Variants in FHIT observed in about 807,000 individuals in gnomAD.
FHIT encodes the protein fragile histidine triad diadenosine triphosphatase.
Under a neutral mutation model 17.9 loss-of-function variants are expected in FHIT, and 19 were observed. That is an observed-to-expected ratio of 1.06 (90% CI 0.74 to 1.56). FHIT has a LOEUF of 1.56. Among genes scored for constraint, FHIT ranks in the 40% most tolerant of loss-of-function variants. The pLI is 0.00. For missense variants in FHIT, 248 were observed against 189.2 expected (o/e 1.31, Z -1.82); for synonymous variants, 81 against 69.7 (o/e 1.16, Z -0.81).
chr3:59,857,705 G>GTTTTTTTT (rs78150569), intron 8 of FHIT, among the ~76,000 whole-genome samples: 33,619 of 113,594 alleles, frequency 0.3, 5,304 homozygotes, highest in East Asian at 0.47. Context: ...AAAGTGCTGG[G>GTTTTTTTT]TTTTTTTTTT....
intron 5 of FHIT, among the ~76,000 whole-genome samples, chr3:60,120,697 A>T (rs1381271226): frequency 6.6e-6 from 1 of 152,162 alleles, no homozygotes; most frequent in African/African-American, 2.4e-5. Context: ...ATCTTCAGCA[A>T]TAGGCAAGTT....
At chr3:60,027,125 AC>A (rs1700774504) in intron 5 of FHIT, among the ~76,000 whole-genome samples, 1 of 130,846 alleles carries the variant, frequency 7.6e-6, no homozygotes, top group Non-Finnish European at 1.6e-5. Flanking sequence ...ACACACACAC[AC>A]ACACACACAC....
chr3:59,883,132 G>C (rs923902166), intron 8 of FHIT, among the ~76,000 whole-genome samples: 5 of 151,848 alleles, frequency 3.3e-5, no homozygotes, highest in African/African-American at 9.7e-5. Context: ...TTTGTAAGCT[G>C]GTAGCTTAAA....
chr3:60,040,336 G>A (rs1296943817), intron 5 of FHIT, among the ~76,000 whole-genome samples: 1 of 151,900 alleles, frequency 6.6e-6, no homozygotes, highest in African/African-American at 2.4e-5. Context: ...AGTAGAGACG[G>A]GGTTTCACCA....
intron 5 of FHIT, among the ~76,000 whole-genome samples, chr3:60,532,132 G>A (rs543047131): frequency 7.2e-4 from 110 of 152,226 alleles, no homozygotes; most frequent in African/African-American, 2.4e-3. Context: ...AACTGTTGAC[G>A]TATGATTTGT....
chr3:60,508,180 G>C (rs1466628004), intron 5 of FHIT, among the ~76,000 whole-genome samples: 2 of 152,154 alleles, frequency 1.3e-5, no homozygotes, highest in African/African-American at 4.8e-5. Flanking sequence ...ACTGGCATTA[G>C]AAATTAGAGA....
intron 2 of FHIT, among the ~76,000 whole-genome samples, chr3:61,055,684 G>A (rs1425841968): frequency 6.6e-6 from 1 of 152,136 alleles, no homozygotes; most frequent in Non-Finnish European, 1.5e-5. Context: ...TGTCCTCAAG[G>A]AGCTCAGGAT....
intron 4 of FHIT, among the ~76,000 whole-genome samples, chr3:60,598,364 A>G (rs1246819621): frequency 6.6e-6 from 1 of 152,138 alleles, no homozygotes; most frequent in Non-Finnish European, 1.5e-5. Context: ...AACTTACCAT[A>G]TTTTGGTTAA....
chr3:60,401,506 A>G (rs754226686), intron 5 of FHIT, among the ~76,000 whole-genome samples: 98 of 151,866 alleles, frequency 6.5e-4, no homozygotes, highest in Middle Eastern at 3.4e-3. Context: ...CACCCCCACA[A>G]CTCCCATTGT....
intron 5 of FHIT, among the ~76,000 whole-genome samples, chr3:60,238,772 T>C (rs1488935803): frequency 1.3e-5 from 2 of 152,104 alleles, no homozygotes; most frequent in Non-Finnish European, 2.9e-5. Context: ...TTCCCCTTCA[T>C]GCCAACCCTG....
At chr3:60,154,240 A>T (rs1490318100) in intron 5 of FHIT, among the ~76,000 whole-genome samples, 1 of 152,012 alleles carries the variant, frequency 6.6e-6, no homozygotes, top group African/African-American at 2.4e-5. Flanking sequence ...AAAAATTACA[A>T]CCTCCGGCAT....
chr3:60,845,348 C>A (rs996546839), intron 3 of FHIT, among the ~76,000 whole-genome samples: 3 of 151,136 alleles, frequency 2.0e-5, no homozygotes, highest in South Asian at 2.1e-4. Flanking sequence ...AAAAAAAAAA[C>A]CAAAAAACTA....
In FHIT at chr3:61,083,465, C is replaced by T. The variant is rs2035209465; in HGVS notation, c.-163-41366G>A. On this transcript the variant is annotated intron_variant, in intron 2 of 9. Transcript: ENST00000492590. ...ATTAGCCGGGCGAAGTGGCGGGCGC[C>T]TGTAGTCCCAGCTACTCGGGAGGCT... 2.0e-5 allele frequency among the ~76,000 whole-genome samples: 3 copies of T among 152,174 alleles called. No homozygotes were observed. In the South Asian group the frequency reaches 6.2e-4, roughly 31 times the overall value.
intron 7 of FHIT, among the ~76,000 whole-genome samples, chr3:59,957,539 C>G (rs573505030): frequency 2.0e-5 from 3 of 152,290 alleles, no homozygotes; most frequent in African/African-American, 7.2e-5. Context: ...ATGTGTCAAC[C>G]CAGTGCTCAG....
At chr3:60,659,865 C>G (rs1478122669) in intron 4 of FHIT, among the ~76,000 whole-genome samples, 1 of 152,046 alleles carries the variant, frequency 6.6e-6, no homozygotes, top group Non-Finnish European at 1.5e-5. Context: ...TTGTTGAAAA[C>G]CGGACATTGA....
chr3:61,158,931 G>T (rs1314996751), intron 2 of FHIT, among the ~76,000 whole-genome samples: 13 of 152,210 alleles, frequency 8.5e-5, no homozygotes, highest in Non-Finnish European at 1.5e-5. Context: ...TGCAACAAAG[G>T]TGGGATGATT....
intron 4 of FHIT, among the ~76,000 whole-genome samples, chr3:60,569,751 A>ATTTTTTTT (rs1272456475): frequency 1.4e-3 from 97 of 69,704 alleles, no homozygotes; most frequent in African/African-American, 5.7e-3. Flanking sequence ...ATATATATAT[A>ATTTTTTTT]TATATTTTTT....
At chr3:60,190,733 G>A (rs1702365463) in intron 5 of FHIT, among the ~76,000 whole-genome samples, 1 of 152,020 alleles carries the variant, frequency 6.6e-6, no homozygotes, top group Non-Finnish European at 1.5e-5. Context: ...CCTGCACATT[G>A]TGCACATGTA....
At chr3:60,035,776 C>G (rs569951014) in intron 5 of FHIT, among the ~76,000 whole-genome samples, 1 of 152,292 alleles carries the variant, frequency 6.6e-6, no homozygotes, top group African/African-American at 2.4e-5. Context: ...CCAAAATTAA[C>G]TTTTTGCTAT....
Sources: allele counts gnomAD v4.1 joint callset (sites outside exome capture counted in the v4.1 genomes callset), GRCh38; gene constraint gnomAD v4.1.1; transcripts MANE v1.5; gene names NCBI Gene and HGNC (gene_info 2026-07-23, HGNC 2026-07-21).